GRM4: variants seen among roughly 807,000 people sequenced by gnomAD.
GRM4 encodes the protein glutamate metabotropic receptor 4.
Under a neutral mutation model 81.7 loss-of-function variants are expected in GRM4, and 28 were observed. That is an observed-to-expected ratio of 0.34 (90% CI 0.25 to 0.47). GRM4 has a LOEUF of 0.47. Among genes scored for constraint, GRM4 ranks in the 20% least tolerant of loss-of-function variants. The pLI, the probability that GRM4 is intolerant of heterozygous loss-of-function variation, is 1.00. For synonymous variants in GRM4, 488 were observed against 528.8 expected (o/e 0.92, Z 1.06); for missense variants, 948 against 1,290.0 (o/e 0.73, Z 4.06).
intron 3 of GRM4, among the ~76,000 whole-genome samples, chr6:34,088,581 G>A (rs1400364818): frequency 6.6e-5 from 10 of 152,308 alleles, no homozygotes; most frequent in South Asian, 2.1e-4. Flanking sequence ...ACCTGCCGCC[G>A]CTTCTGCAAT....
Position 34,035,772 on chromosome 6 carries a change from T to A in GRM4, c.2338A>T (p.Thr780Ser), listed in dbSNP as rs764530415. The A allele has an allele frequency of 1.4e-5, 22 of 1,613,362 alleles. No individual in the cohort carries two copies. Among genetic ancestry groups the A allele is most frequent in the Non-Finnish European group, 1.9e-5 (22 of 1,179,534 alleles). Reference protein sequence around the residue: ...YAIKTRGVPETFNEAKPIGFT... With the variant: ...YAIKTRGVPESFNEAKPIGFT... ...CCAATGGGCTTGGCCTCATTGAAGG[T>A]CTCGGGCACGCCGCGTGTCTTGATG... Residue 780 changes from threonine (T) to serine (S), a missense_variant, in exon 9 of 11, where the codon ACC becomes TCC. Transcript: ENST00000538487. The surrounding 1 kb of genome is among the most constrained non-coding windows in gnomAD (Gnocchi z 6.6).
At chr6:34,144,963 C>T (rs1770863111) in intron 1 of GRM4, among the ~76,000 whole-genome samples, 1 of 151,994 alleles carries the variant, frequency 6.6e-6, no homozygotes, top group Admixed American at 6.5e-5. Flanking sequence ...CTCCTCGGAG[C>T]ACTCCAAGCG....
At chr6:34,084,602 GCCAGCGCGACC>G (rs1409779729) in intron 3 of GRM4, among the ~76,000 whole-genome samples, 7 of 152,308 alleles carry the variant, frequency 4.6e-5, no homozygotes, top group African/African-American at 1.7e-4. Context: ...GGTCAGCCAA[GCCAGCGCGACC>G]CCAGCACGAC....
At chr6:34,105,258 C>A (rs1456814347) in intron 2 of GRM4, among the ~76,000 whole-genome samples, 1 of 152,148 alleles carries the variant, frequency 6.6e-6, no homozygotes, top group Non-Finnish European at 1.5e-5. Context: ...AGAGGAGGCC[C>A]CCCTGGGGCT....
chr6:34,082,698 A>G (rs1252654634), intron 3 of GRM4, among the ~76,000 whole-genome samples: 1 of 152,268 alleles, frequency 6.6e-6, no homozygotes, highest in African/African-American at 2.4e-5. Context: ...TGCTCGGTGC[A>G]GTGCCCGGCC....
At chr6:34,037,238 C>T (rs1021575632) in intron 8 of GRM4, among the ~76,000 whole-genome samples, 5 of 152,258 alleles carry the variant, frequency 3.3e-5, no homozygotes, top group African/African-American at 4.8e-5. Flanking sequence ...CATTTCTTTA[C>T]ATCTTGCTCT....
chr6:34,049,257 C>G (rs1009032202), intron 6 of GRM4, among the ~76,000 whole-genome samples: 1 of 152,078 alleles, frequency 6.6e-6, no homozygotes, highest in Non-Finnish European at 1.5e-5. Flanking sequence ...ATACAATGGC[C>G]CCGTCCAGCC....
exon 1 of GRM4, chr6:34,155,110 C>T (rs1226709257): frequency 1.3e-6 from 2 of 1,527,450 alleles, no homozygotes; most frequent in Admixed American, 2.0e-5. Context: ...GCAGCGGGGG[C>T]GGCGGGGGTC....
At chr6:34,128,763 G>A (rs1051367452) in intron 2 of GRM4, among the ~76,000 whole-genome samples, 1 of 152,172 alleles carries the variant, frequency 6.6e-6, no homozygotes, top group Non-Finnish European at 1.5e-5. Context: ...CTGAGGCAGA[G>A]AAGGGTTAAG....
chr6:34,051,971 A>G (rs919965860), intron 6 of GRM4, among the ~76,000 whole-genome samples: 15 of 152,304 alleles, frequency 9.8e-5, no homozygotes, highest in African/African-American at 2.6e-4. Flanking sequence ...CAGGACTCTA[A>G]TAGCCGTATG....
rs1372288757 is a variant in GRM4, at chr6:34,089,678, C to T, written c.736+2205G>A. ...AATGGCAAATTTTATTTTTCTAGAT[C>T]ATGAAGTCCTTTTAAAAAATCTTGA... On this transcript the variant is annotated intron_variant, in intron 3 of 10. Coordinates refer to ENST00000538487, the MANE Select transcript of GRM4 (RefSeq NM_000841.4). This position sits in a 1 kb window ranked among gnomAD's most constrained non-coding sequence, Gnocchi z 4.3. Among the ~76,000 whole-genome samples, 7 of 152,104 alleles carry T rather than the reference C, an allele frequency of 4.6e-5. No homozygotes were observed. The highest frequency in any genetic ancestry group is 1.7e-4 in the African/African-American group (7 of 41,406).
At chr6:34,143,465 T>C (rs541554413) in intron 1 of GRM4, among the ~76,000 whole-genome samples, 76 of 152,272 alleles carry the variant, frequency 5.0e-4, no homozygotes, top group African/African-American at 1.8e-3. Context: ...ACGAGGCCCC[T>C]GCGCTATGGG....
At chr6:34,110,461 G>A (rs1244252475) in intron 2 of GRM4, among the ~76,000 whole-genome samples, 2 of 118,228 alleles carry the variant, frequency 1.7e-5, no homozygotes, top group African/African-American at 6.3e-5. Context: ...GGCCTCCACC[G>A]AGCACCCTAA....
chr6:34,057,695 A>G (rs1765979287), intron 5 of GRM4, among the ~76,000 whole-genome samples: 1 of 152,192 alleles, frequency 6.6e-6, no homozygotes, highest in Non-Finnish European at 1.5e-5. Flanking sequence ...AAGTTTCTCT[A>G]ATGTTCCTGA....
intron 2 of GRM4, among the ~76,000 whole-genome samples, chr6:34,100,708 C>A (rs1768790047): frequency 1.3e-5 from 2 of 152,260 alleles, no homozygotes; most frequent in Admixed American, 1.3e-4. Flanking sequence ...CAAGGGCCAT[C>A]AGCCAAACAT....
intron 6 of GRM4, among the ~76,000 whole-genome samples, chr6:34,049,906 G>A (rs566359111): frequency 1.3e-5 from 2 of 152,176 alleles, no homozygotes; most frequent in East Asian, 3.9e-4. Flanking sequence ...CTCTGCCCTC[G>A]CTCCCAGAGA....
At chr6:34,062,268 C>T (rs189202993) in intron 3 of GRM4, 276 of 444,392 alleles carry the variant, frequency 6.2e-4, no homozygotes, top group African/African-American at 4.8e-3. Flanking sequence ...CTCTGAGCCT[C>T]AGTTTCCCCA....
In GRM4 at chr6:34,059,224, C is replaced by G. The variant is rs963103626; in HGVS notation, c.873-96G>C. The G allele has an allele frequency of 3.6e-6, 4 of 1,100,380 alleles. No homozygotes were observed. In the African/African-American group the frequency reaches 6.1e-5, roughly 17 times the overall value. 68.2% of individuals were successfully genotyped at this position (1,100,380 alleles called of 1,614,324 possible). The stretch of plus-strand genomic sequence containing the variant: ...TGCTTTGGGCCCACGTCCCTCACCC[C>G]CAGAAGCCCAGGGTCCACAACTGTC... On this transcript the variant is annotated intron_variant, in intron 4 of 10. Transcript: ENST00000538487. The surrounding 1 kb of genome is among the most constrained non-coding windows in gnomAD (Gnocchi z 5.7).
chr6:34,124,592 G>A (rs1769946797), intron 2 of GRM4, among the ~76,000 whole-genome samples: 1 of 152,176 alleles, frequency 6.6e-6, no homozygotes, highest in African/African-American at 2.4e-5. Flanking sequence ...GTCATCACTC[G>A]GGCAGCCCAG....
Sources: gnomAD v4.1 joint callset for allele counts (sites outside exome capture counted in the v4.1 genomes callset) on GRCh38, gnomAD v4.1.1 for gene constraint, Gnocchi (gnomAD v3.1) non-coding constraint, MANE v1.5 for transcripts, NCBI Gene and HGNC (gene_info 2026-07-23, HGNC 2026-07-21) for gene names.